KRT8: variants seen among roughly 807,000 people sequenced by gnomAD.
The protein encoded by KRT8 is keratin 8.
In KRT8, 24 loss-of-function variants were observed where a neutral mutation model predicts 43.0. That is an observed-to-expected ratio of 0.56 (90% CI 0.40 to 0.78). The LOEUF (loss-of-function observed/expected upper bound fraction) is 0.78, where lower values mean the gene tolerates loss of function less well. KRT8 is among the 30% of genes least tolerant of loss of function. The probability of loss-of-function intolerance (pLI) is 0.00; values close to 1 mark genes in which losing one functional copy is unlikely to be tolerated. For missense variants in KRT8, 492 were observed against 638.4 expected, an observed-to-expected ratio of 0.77 and a Z score of 2.47; for synonymous variants, 214 against 261.2, an observed-to-expected ratio of 0.82 and a Z score of 1.74.
chr12:52,930,752 G>A (rs981992787), intron 2 of KRT8, among the ~76,000 whole-genome samples: 1 of 151,130 alleles, frequency 6.6e-6, no homozygotes, highest in African/African-American at 2.4e-5. Context: ...GTAGAGACAG[G>A]GTCTTGCTCT....
At chr12:52,940,695 A>G (rs1225707382) in intron 2 of KRT8, among the ~76,000 whole-genome samples, 3 of 144,460 alleles carry the variant, frequency 2.1e-5, no homozygotes, top group African/African-American at 7.7e-5. Flanking sequence ...GCGCCATCTC[A>G]GCTCACTGCA....
chr12:52,937,139 G>T (rs1009015726), intron 2 of KRT8, among the ~76,000 whole-genome samples: 1 of 152,148 alleles, frequency 6.6e-6, no homozygotes, highest in Non-Finnish European at 1.5e-5. Context: ...GGGAGGCTGA[G>T]GCGGGTGGAC....
exon 1 of KRT8, chr12:52,904,706 C>T (rs1356674239): frequency 1.2e-6 from 2 of 1,612,984 alleles, no homozygotes; most frequent in South Asian, 2.2e-5. Context: ...TGATCTGCTC[C>T]TTCTCCTGGG....
At chr12:52,944,262 A>G (rs1247486732) in intron 2 of KRT8, among the ~76,000 whole-genome samples, 1 of 152,176 alleles carries the variant, frequency 6.6e-6, no homozygotes, top group Non-Finnish European at 1.5e-5. Flanking sequence ...AAATATTGAA[A>G]TATTTTATTA....
intron 2 of KRT8, chr12:52,947,209 G>T (rs1435220520): frequency 6.6e-6 from 1 of 152,238 alleles, no homozygotes; most frequent in African/African-American, 2.4e-5. Flanking sequence ...CAGCTTCAGG[G>T]GGCAGGCAGC....
chr12:52,919,873 C>G (rs1941848845), intron 2 of KRT8, among the ~76,000 whole-genome samples: 1 of 151,802 alleles, frequency 6.6e-6, no homozygotes, highest in Non-Finnish European at 1.5e-5. Flanking sequence ...GTCTTGAACT[C>G]CTGACCTCAG....
chr12:52,918,827 C>T (rs1941829326), intron 2 of KRT8, among the ~76,000 whole-genome samples: 1 of 152,128 alleles, frequency 6.6e-6, no homozygotes, highest in Non-Finnish European at 1.5e-5. Context: ...CACCTTCAGA[C>T]CACCCTCCCC....
chr12:52,929,910 T>C (rs2638490), intron 2 of KRT8, among the ~76,000 whole-genome samples: 18,411 of 152,172 alleles, frequency 0.12, 1,295 homozygotes, highest in East Asian at 0.27. Context: ...ATGTCCCACC[T>C]AAGCCTCAAA....
intron 1 of KRT8, chr12:52,903,769 C>A (rs1325528001): frequency 6.6e-6 from 1 of 152,266 alleles, no homozygotes; most frequent in Admixed American, 6.5e-5. Flanking sequence ...AGGACGTAAA[C>A]CCCGGGCGGG....
intron 2 of KRT8, among the ~76,000 whole-genome samples, chr12:52,934,633 G>A (rs1942136427): frequency 6.6e-6 from 1 of 152,048 alleles, no homozygotes; most frequent in Non-Finnish European, 1.5e-5. Context: ...TTCAAGACTT[G>A]CCATAAAGCT....
intron 2 of KRT8, among the ~76,000 whole-genome samples, chr12:52,918,208 G>C (rs865930053): frequency 3.3e-5 from 4 of 121,958 alleles, no homozygotes; most frequent in Admixed American, 2.6e-4. Flanking sequence ...AGAAGAACAA[G>C]AAGAAGAAGA....
At chr12:52,916,594 G>A (rs1410170460) in intron 2 of KRT8, among the ~76,000 whole-genome samples, 1 of 152,212 alleles carries the variant, frequency 6.6e-6, no homozygotes, top group Non-Finnish European at 1.5e-5. Context: ...CTGCCCAGCA[G>A]GGTACTGGCC....
chr12:52,915,904 T>G (rs1244649613), intron 2 of KRT8, among the ~76,000 whole-genome samples: 2 of 152,208 alleles, frequency 1.3e-5, no homozygotes, highest in African/African-American at 4.8e-5. Flanking sequence ...AAGTCTACCT[T>G]CTGTACCTTA....
intron 2 of KRT8, among the ~76,000 whole-genome samples, chr12:52,931,295 C>T (rs760029961): frequency 6.6e-6 from 1 of 151,930 alleles, no homozygotes; most frequent in African/African-American, 2.4e-5. Context: ...TCTCAATCTC[C>T]TGACCTCGTG....
intron 2 of KRT8, among the ~76,000 whole-genome samples, chr12:52,932,471 T>C (rs930647512): frequency 2.6e-5 from 4 of 152,176 alleles, no homozygotes; most frequent in Admixed American, 6.6e-5. Context: ...CACTTCTTTG[T>C]GTTTGTTTTT....
chr12:52,907,012 AC>A, upstream of KRT8: 7 of 259,362 alleles, frequency 2.7e-5, no homozygotes, highest in East Asian at 3.2e-4. Flanking sequence ...ACACACACAC[AC>A]CCCACACATT....
rs1565725343 is a variant in KRT8 at position 52,918,063 on chromosome 12, GAGA to G, written c.-46-13039_-46-13037del. Among the ~76,000 whole-genome samples, 14 of 99,914 alleles carry G rather than the reference GAGA, an allele frequency of 1.4e-4. 1 individual carries two copies. Among genetic ancestry groups the G allele is most frequent in the Non-Finnish European group, 2.2e-4 (11 of 50,582 alleles). 65.5% of individuals were successfully genotyped at this position (99,914 alleles called of 152,430 possible). ...GAAGAAGAAGAAGAGGAAGAAGAAGGAGAAGAAGAAGAGGAGGAGGAGGAGAAG... is the reference window on the plus strand; with the variant it reads ...GAAGAAGAAGAAGAGGAAGAAGAAGGAGAAGAAGAGGAGGAGGAGGAGAAG... On this transcript the variant is annotated intron_variant, in intron 2 of 6. Transcript: ENST00000546826.
At position 52,912,816 on chromosome 12, in the gene KRT8, T is replaced by C. The variant is rs574132118; in HGVS notation, c.-46-7789A>G. 2.8e-3 allele frequency among the ~76,000 whole-genome samples: 419 copies of C among 152,292 alleles called. 1 individual carries two copies. Among genetic ancestry groups the C allele is most frequent in the Non-Finnish European group, 4.6e-3 (313 of 68,018 alleles). On this transcript the variant is annotated intron_variant, in intron 2 of 6. Coordinates refer to the KRT8 transcript ENST00000546826. ...GAAAGGGTCTGCTGAAGAGCAGGTGTGGTCAGGCCAGGGGCTGTGGACACT... is the reference window on the plus strand; with the variant it reads ...GAAAGGGTCTGCTGAAGAGCAGGTGCGGTCAGGCCAGGGGCTGTGGACACT...
At chr12:52,902,547 C>G (rs139896142) in intron 1 of KRT8, among the ~76,000 whole-genome samples, 3,581 of 152,154 alleles carry the variant, frequency 0.024, 74 homozygotes, top group Admixed American at 0.052. Context: ...GCCACCACGC[C>G]CCACTAATTT....
Sources: gnomAD v4.1 joint callset for allele counts (sites outside exome capture counted in the v4.1 genomes callset) on GRCh38, gnomAD v4.1.1 for gene constraint, MANE v1.5 for transcripts, NCBI Gene and HGNC (gene_info 2026-07-23, HGNC 2026-07-21) for gene names.